The following ATXN1 variants were observed in gnomAD, a reference collection of about 807,000 sequenced individuals.
ATXN1 encodes the protein ataxin-1.
A neutral mutation model predicts 56.4 loss-of-function variants in ATXN1; 8 were observed. The ratio of observed to expected loss-of-function variants is 0.14; its 90% CI spans 0.08 to 0.26. The LOEUF is 0.26. ATXN1 is among the 10% of genes least tolerant of loss of function. ATXN1 has a pLI of 1.00. For missense variants in ATXN1, 987 were observed against 1,106.5 expected (o/e 0.89, Z 1.53); for synonymous variants, 514 against 494.6 (o/e 1.04, Z -0.52).
intron 1 of ATXN1, 157 bp downstream of exon 1, chr6:16,761,141 T>C: frequency 2.7e-6 from 1 of 367,486 alleles, no homozygotes; most frequent in Non-Finnish European, 5.3e-6. Context: ...TCCAGCTGTT[T>C]TCCGTGCAGC....
In ATXN1 at chr6:16,619,363, G is replaced by A. The variant is rs79353347; in HGVS notation, c.-488-33456C>T. Among the ~76,000 whole-genome samples the A allele has an allele frequency of 2.6e-3, 398 of 152,254 alleles. 2 individuals are homozygous for A. Among genetic ancestry groups the A allele is most frequent in the African/African-American group, 8.8e-3 (367 of 41,558 alleles). ...GAAGTCCAGCACAGCATCACTAAAC[G>A]ATAGCACAATATCTGGAAAATTAAA... is the stretch of plus-strand genomic sequence containing the variant. On this transcript the variant is annotated intron_variant, in intron 3 of 7. Transcript: ENST00000436367.
chr6:16,654,858 T>C (rs1286734606), intron 3 of ATXN1, among the ~76,000 whole-genome samples: 1 of 152,168 alleles, frequency 6.6e-6, no homozygotes, highest in Non-Finnish European at 1.5e-5. Flanking sequence ...CAGATAACAC[T>C]GTGTTTGCAT....
At chr6:16,629,240 T>C (rs962340443) in intron 3 of ATXN1, among the ~76,000 whole-genome samples, 1 of 152,206 alleles carries the variant, frequency 6.6e-6, no homozygotes, top group Non-Finnish European at 1.5e-5. Flanking sequence ...ATTGAGCTGC[T>C]TTTCATATTC....
intron 6 of ATXN1, among the ~76,000 whole-genome samples, chr6:16,399,187 G>C (rs2113532985): frequency 6.6e-6 from 1 of 152,316 alleles, no homozygotes; most frequent in Middle Eastern, 3.4e-3. Context: ...TGTAACAAAA[G>C]TTAAATGTGG....
intron 2 of ATXN1, among the ~76,000 whole-genome samples, chr6:16,704,947 A>G (rs998657967): frequency 6.7e-6 from 1 of 148,592 alleles, no homozygotes; most frequent in Non-Finnish European, 1.5e-5. Context: ...AAGCGACCAC[A>G]CTGTAGCCCT....
chr6:16,600,899 AT>A (rs1273723323), intron 3 of ATXN1, among the ~76,000 whole-genome samples: 3 of 152,218 alleles, frequency 2.0e-5, no homozygotes, highest in South Asian at 2.1e-4. Flanking sequence ...AACTCAAGTA[AT>A]TCCTTTGATT....
intron 2 of ATXN1, among the ~76,000 whole-genome samples, chr6:16,701,922 T>A (rs1036363976): frequency 6.6e-6 from 1 of 152,298 alleles, no homozygotes; most frequent in Non-Finnish European, 1.5e-5. Context: ...AGGTAATTTA[T>A]AGATTCAATG....
intron 3 of ATXN1, among the ~76,000 whole-genome samples, chr6:16,609,302 C>T (rs947183181): frequency 1.3e-5 from 2 of 152,190 alleles, no homozygotes; most frequent in Non-Finnish European, 2.9e-5. Flanking sequence ...AGCATAAGTC[C>T]TCCATGCCCA....
intron 5 of ATXN1, among the ~76,000 whole-genome samples, chr6:16,489,313 T>G (rs1760611687): frequency 6.6e-6 from 1 of 152,194 alleles, no homozygotes; most frequent in South Asian, 2.1e-4. Flanking sequence ...TCTACAGCTA[T>G]GCTTTAAGCC....
intron 6 of ATXN1, among the ~76,000 whole-genome samples, chr6:16,365,193 T>C (rs536513556): frequency 6.6e-6 from 1 of 152,210 alleles, no homozygotes; most frequent in Non-Finnish European, 1.5e-5. Flanking sequence ...TTTTTTCTTA[T>C]TGAGACAAAG....
At chr6:16,348,739 G>A (rs1370311747) in intron 6 of ATXN1, among the ~76,000 whole-genome samples, 1 of 152,144 alleles carries the variant, frequency 6.6e-6, no homozygotes, top group Non-Finnish European at 1.5e-5. Flanking sequence ...ATTTCATGAA[G>A]TTGTTATGAG....
chr6:16,605,319 G>A (rs908050224), intron 3 of ATXN1, among the ~76,000 whole-genome samples: 1 of 152,106 alleles, frequency 6.6e-6, no homozygotes, highest in African/African-American at 2.4e-5. Context: ...GATCCCTTAC[G>A]CCAACGCTTT....
chr6:16,677,518 A>G (rs191746022), intron 2 of ATXN1, among the ~76,000 whole-genome samples: 45 of 152,318 alleles, frequency 3.0e-4, no homozygotes, highest in Admixed American at 1.4e-3. Context: ...GTGCTCCACA[A>G]AGAGCAAAAA....
intron 6 of ATXN1, among the ~76,000 whole-genome samples, chr6:16,479,189 C>T (rs1174742010): frequency 1.3e-5 from 2 of 152,066 alleles, no homozygotes; most frequent in East Asian, 3.9e-4. Context: ...CAAGTTGTTT[C>T]AGGAATATAA....
intron 2 of ATXN1, among the ~76,000 whole-genome samples, chr6:16,674,765 T>C (rs1758624867): frequency 6.6e-6 from 1 of 152,110 alleles, no homozygotes; most frequent in African/African-American, 2.4e-5. Context: ...GATCATTCAC[T>C]GAAAGGCTGG....
At chr6:16,535,570 T>G (rs893115466) in intron 4 of ATXN1, among the ~76,000 whole-genome samples, 1 of 152,314 alleles carries the variant, frequency 6.6e-6, no homozygotes, top group African/African-American at 2.4e-5. Context: ...CATATTGATA[T>G]AAATAAATTT....
chr6:16,423,411 G>A lies in ATXN1; in HGVS notation c.-161+62561C>T, dbSNP rs1317271170. Among the ~76,000 whole-genome samples the A allele has an allele frequency of 2.9e-4, 44 of 152,174 alleles. 1 individual carries two copies. The highest frequency in any genetic ancestry group is 2.9e-3 in the Admixed American group (44 of 15,282). ...ACTGGGTCCTTGTGATGTTCCAGGG[G>A]TTTAATTACAAGGAATGCTAGCTCC... On this transcript the variant is annotated intron_variant, in intron 6 of 7. Coordinates refer to ENST00000436367, the MANE Select transcript of ATXN1 (RefSeq NM_001128164.2).
chr6:16,311,855 ACTCT>A (rs931666055), intron 7 of ATXN1, among the ~76,000 whole-genome samples: 1 of 152,246 alleles, frequency 6.6e-6, no homozygotes, highest in East Asian at 1.9e-4. Flanking sequence ...GTCTCGTAAG[ACTCT>A]CTACCAGAGT....
At chr6:16,352,110 T>C (rs1360631718) in intron 6 of ATXN1, among the ~76,000 whole-genome samples, 1 of 152,212 alleles carries the variant, frequency 6.6e-6, no homozygotes, top group Non-Finnish European at 1.5e-5. Flanking sequence ...ACTTGGATCT[T>C]TTTCCCTGCT....
Sources: allele counts gnomAD v4.1 joint callset (sites outside exome capture counted in the v4.1 genomes callset), GRCh38; gene constraint gnomAD v4.1.1; transcripts MANE v1.5; gene names NCBI Gene and HGNC (gene_info 2026-07-23, HGNC 2026-07-21).